The following CDKL4 variants were observed in gnomAD, a reference collection of about 807,000 sequenced individuals.
CDKL4 encodes the protein cyclin dependent kinase like 4.
In CDKL4, 44 loss-of-function variants were observed where a neutral mutation model predicts 42.0. That is an observed-to-expected ratio of 1.05 (90% confidence interval 0.82 to 1.35). CDKL4 has a LOEUF of 1.35. Ranked by LOEUF, CDKL4 falls within the 40% of genes most tolerant of loss-of-function variation. The pLI, the probability that CDKL4 is intolerant of heterozygous loss-of-function variation, is 0.00. For missense variants in CDKL4, 393 were observed against 369.9 expected (o/e 1.06, Z -0.51); for synonymous variants, 120 against 121.6 (o/e 0.99, Z 0.09).
At chr2:39,184,767 C>T (rs1675626539) in intron 7 of CDKL4, 120 bp from the exon 8 acceptor site, 2 of 647,762 alleles carry the variant, frequency 3.1e-6, no homozygotes, top group Non-Finnish European at 5.4e-6. Context: ...TACTGTCTCC[C>T]TCTATCTCCC....
intron 2 of CDKL4, among the ~76,000 whole-genome samples, chr2:39,228,819 T>C (rs1179348174): frequency 1.3e-5 from 2 of 152,216 alleles, no homozygotes; most frequent in African/African-American, 2.4e-5. Flanking sequence ...AAATTTACAT[T>C]GAGAACTTAG....
the CDKL4 span, among the ~76,000 whole-genome samples, chr2:39,169,268 C>A: frequency 3.9e-5 from 6 of 152,150 alleles, no homozygotes; most frequent in South Asian, 4.1e-4. Flanking sequence ...ATTTTATTTA[C>A]ACTCATTAAA....
chr2:39,196,587 T>G (rs1219772995), intron 5 of CDKL4, among the ~76,000 whole-genome samples: 1 of 151,858 alleles, frequency 6.6e-6, no homozygotes, highest in Admixed American at 6.6e-5. Flanking sequence ...AGAAAAACAA[T>G]CCAGTAACAT....
intron 1 of CDKL4, among the ~76,000 whole-genome samples, chr2:39,233,581 C>T (rs1267965002): frequency 1.5e-4 from 23 of 152,144 alleles, no homozygotes; most frequent in Non-Finnish European, 8.8e-5. Context: ...ACAGAAAACA[C>T]TCTCTTGGCC....
At chr2:39,237,093 A>G (rs1309785726) in intron 1 of CDKL4, among the ~76,000 whole-genome samples, 1 of 152,220 alleles carries the variant, frequency 6.6e-6, no homozygotes, top group South Asian at 2.1e-4. Context: ...AATCAGATGA[A>G]AGTCAGACAA....
intron 3 of CDKL4, among the ~76,000 whole-genome samples, chr2:39,221,001 G>GTTT (rs1678311355): frequency 7.6e-5 from 6 of 78,826 alleles, no homozygotes; most frequent in African/African-American, 1.4e-4. Context: ...TTTTTTTTTT[G>GTTT]TTTTTTTTTT....
chr2:39,184,950 G>T (rs1463085959), intron 7 of CDKL4, among the ~76,000 whole-genome samples: 1 of 151,420 alleles, frequency 6.6e-6, no homozygotes, highest in Non-Finnish European at 1.5e-5. Context: ...GCATGAGCTG[G>T]TCTCAAACTT....
intron 3 of CDKL4, 34 bp downstream of exon 3, chr2:39,225,805 G>A: frequency 6.3e-7 from 1 of 1,577,948 alleles, no homozygotes; most frequent in Non-Finnish European, 8.6e-7. Flanking sequence ...ACTGAGAACT[G>A]GCTGTACAGA....
At chr2:39,229,266 G>T in intron 2 of CDKL4, 99 bp downstream of exon 2, 1 of 871,498 alleles carries the variant, frequency 1.1e-6, no homozygotes, top group Non-Finnish European at 1.7e-6. Context: ...AGGAATTTAA[G>T]TCCAATGGGG....
intron 1 of CDKL4, among the ~76,000 whole-genome samples, chr2:39,236,929 A>G (rs1365333762): frequency 6.6e-6 from 1 of 152,244 alleles, no homozygotes; most frequent in Non-Finnish European, 1.5e-5. Flanking sequence ...CCAGGATCAG[A>G]TAGCATCACA....
intron 3 of CDKL4, among the ~76,000 whole-genome samples, chr2:39,213,925 TTTTG>T (rs1299774365): frequency 1.3e-4 from 19 of 151,698 alleles, no homozygotes; most frequent in Admixed American, 1.2e-3. Context: ...TTTTGTTTTG[TTTTG>T]TTTTTTGAGA....
intron 1 of CDKL4, among the ~76,000 whole-genome samples, chr2:39,239,350 T>C (rs2148409827): frequency 6.6e-6 from 1 of 152,222 alleles, no homozygotes; most frequent in East Asian, 1.9e-4. Flanking sequence ...AAAAAATAGA[T>C]AAAATGGAAT....
chr2:39,170,866 A>T (rs1208462704), downstream of CDKL4, among the ~76,000 whole-genome samples: 2 of 152,222 alleles, frequency 1.3e-5, no homozygotes, highest in African/African-American at 2.4e-5. Context: ...GACCAGGATT[A>T]GAAATCAATG....
intron 7 of CDKL4, among the ~76,000 whole-genome samples, chr2:39,185,392 ATATATACATATG>A (rs1675739657): frequency 3.6e-5 from 2 of 55,882 alleles, no homozygotes; most frequent in Non-Finnish European, 7.1e-5. Context: ...ATATACATGT[ATATATACATATG>A]TGTATATATA....
At chr2:39,183,277 AAAAT>A (rs1675546528) in intron 8 of CDKL4, among the ~76,000 whole-genome samples, 1 of 151,228 alleles carries the variant, frequency 6.6e-6, no homozygotes, top group Admixed American at 6.7e-5. Flanking sequence ...CAAAAAAAAA[AAAAT>A]GTCTCAATTG....
In CDKL4 at chr2:39,185,282, GTATATATACA is replaced by G. The variant is rs1455259721; in HGVS notation, c.736-645_736-636del. Among the ~76,000 whole-genome samples the G allele has an allele frequency of 2.0e-4, 7 of 34,300 alleles. 1 individual carries two copies. The highest frequency in any genetic ancestry group is 6.1e-4 in the African/African-American group (6 of 9,804). 22.5% of individuals were successfully genotyped at this position (34,300 alleles called of 152,430 possible). A position where few individuals can be genotyped will look rare whatever the true frequency, so the allele number is the denominator to read the frequency against. Reference sequence around the variant, plus strand: ...TATATATACATATATATACACATATGTATATATACATATATATACACATATGTATATATAC... The same window carrying G: ...TATATATACATATATATACACATATGTATATATACACATATGTATATATAC... On this transcript the variant is annotated intron_variant, in intron 7 of 9. Coordinates refer to ENST00000451199, the Ensembl canonical transcript of CDKL4.
At chr2:39,210,923 A>C (rs1266559972) in intron 4 of CDKL4, among the ~76,000 whole-genome samples, 1 of 152,344 alleles carries the variant, frequency 6.6e-6, no homozygotes, top group East Asian at 1.9e-4. Context: ...TGACTTTCCT[A>C]AAACTAAAGA....
chr2:39,233,543 AT>A (rs1679190788), intron 1 of CDKL4, among the ~76,000 whole-genome samples: 1 of 152,194 alleles, frequency 6.6e-6, no homozygotes, highest in African/African-American at 2.4e-5. Flanking sequence ...AGTGTCATCA[AT>A]GAAAGAAACT....
At chr2:39,246,444 C>G (rs1183507707), upstream of CDKL4, among the ~76,000 whole-genome samples, 1 of 152,210 alleles carries the variant, frequency 6.6e-6, no homozygotes, top group Non-Finnish European at 1.5e-5. Context: ...CTTCATGATA[C>G]TTGCTCTCCA....
Sources: gnomAD v4.1 joint callset for allele counts (sites outside exome capture counted in the v4.1 genomes callset) on GRCh38, gnomAD v4.1.1 for gene constraint, MANE v1.5 for transcripts, NCBI Gene and HGNC (gene_info 2026-07-23, HGNC 2026-07-21) for gene names.